The following ANXA4 variants were observed in gnomAD, a reference collection of about 807,000 sequenced individuals.
The protein encoded by ANXA4 is 35-beta calcimedin.
ANXA4 carries 39 observed loss-of-function variants against 49.8 expected under a neutral mutation model. The ratio of observed to expected loss-of-function variants is 0.78; its 90% confidence interval spans 0.61 to 1.02. ANXA4 has a LOEUF of 1.02. Among genes scored for constraint, ANXA4 ranks in the 50% least tolerant of loss-of-function variants. ANXA4 has a pLI of 0.00. For synonymous variants in ANXA4, 134 were observed against 152.5 expected (o/e 0.88, Z 0.89); for missense variants, 360 against 410.1 (o/e 0.88, Z 1.05).
intron 8 of ANXA4, chr2:69,814,785 TGTGTGTGTGAGA>T (rs748945133): frequency 0.027 from 3,121 of 114,392 alleles, 129 homozygotes; most frequent in African/African-American, 0.14. Flanking sequence ...TGTGTGTGTG[TGTGTGTGTGAGA>T]GAAAGAGAGA....
intron 3 of ANXA4, among the ~76,000 whole-genome samples, chr2:69,728,606 G>A (rs1157788384): frequency 6.6e-6 from 1 of 152,138 alleles, no homozygotes; most frequent in South Asian, 2.1e-4. Context: ...AACTGATCTA[G>A]CATCATTTAT....
intron 2 of ANXA4, among the ~76,000 whole-genome samples, chr2:69,670,573 G>A (rs1355278521): frequency 6.6e-6 from 1 of 152,052 alleles, no homozygotes; most frequent in Admixed American, 6.6e-5. Context: ...ATGGGCACAG[G>A]GATAGACAAC....
Position 69,683,570 on chromosome 2 carries a change from G to T in ANXA4, n.766+30288G>T, listed in dbSNP as rs192856864. ...GAGAAACCAAAGAGGAACGATATGC[G>T]CTGTCTTCTTCTTCCTCCTCCTCCT... On this transcript the variant is annotated intron_variant and non_coding_transcript_variant, in intron 2 of 3. Coordinates refer to the ANXA4 transcript ENST00000418066. 2.0e-5 allele frequency among the ~76,000 whole-genome samples: 3 copies of T among 152,184 alleles called. No homozygotes were observed. In the East Asian group the frequency reaches 5.8e-4, roughly 29 times the overall value.
At chr2:69,733,623 A>AAG (rs949956624) in intron 3 of ANXA4, among the ~76,000 whole-genome samples, 12 of 152,022 alleles carry the variant, frequency 7.9e-5, no homozygotes, top group African/African-American at 2.7e-4. Context: ...GAAAAAAAAA[A>AAG]AAAAGAAAAG....
intron 1 of ANXA4, among the ~76,000 whole-genome samples, chr2:69,762,912 C>T (rs1375590664): frequency 1.3e-5 from 2 of 152,132 alleles, no homozygotes; most frequent in African/African-American, 4.8e-5. Flanking sequence ...TACTCTTCAT[C>T]CAGCTCCATC....
At chr2:69,759,154 T>G (rs1671175776) in intron 1 of ANXA4, among the ~76,000 whole-genome samples, 1 of 150,594 alleles carries the variant, frequency 6.6e-6, no homozygotes, top group Non-Finnish European at 1.5e-5. Context: ...AAAAAGATTA[T>G]AATTCTGAGA....
chr2:69,653,108 A>G (rs745830274), exon 2 of ANXA4: 1 of 152,228 alleles, frequency 6.6e-6, no homozygotes, highest in Non-Finnish European at 1.5e-5. Context: ...CACAGGAGCC[A>G]AATCTGGAAC....
chr2:69,736,542 A>G (rs1002119968), intron 3 of ANXA4, among the ~76,000 whole-genome samples: 3 of 152,208 alleles, frequency 2.0e-5, no homozygotes, highest in Non-Finnish European at 4.4e-5. Context: ...AGTATTAACT[A>G]ATTACCCTTC....
At chr2:69,753,061 C>T (rs7563401) in intron 1 of ANXA4, among the ~76,000 whole-genome samples, 76,591 of 152,064 alleles carry the variant, frequency 0.5, 19,676 homozygotes, top group East Asian at 0.71. Context: ...TCCATCTTCC[C>T]CTACCCTGCA....
intron 3 of ANXA4, among the ~76,000 whole-genome samples, chr2:69,793,250 C>CAAA (rs70954360): frequency 3.9e-5 from 5 of 128,580 alleles, no homozygotes; most frequent in Non-Finnish European, 6.5e-5. Flanking sequence ...GACTCCATCT[C>CAAA]AAAAAAAAAA....
At chr2:69,798,819 C>T (rs993811877) in intron 3 of ANXA4, among the ~76,000 whole-genome samples, 2 of 152,216 alleles carry the variant, frequency 1.3e-5, no homozygotes, top group South Asian at 2.1e-4. Flanking sequence ...AAATCCCAGA[C>T]GAGCCCTCAA....
At chr2:69,781,342 AAC>A (rs926000947) in intron 1 of ANXA4, 176 bp from the exon 2 acceptor site, 11 of 601,642 alleles carry the variant, frequency 1.8e-5, no homozygotes, top group Middle Eastern at 4.4e-4. Context: ...GACTTTTTTT[AAC>A]AGTTTCTCTA....
At chr2:69,697,259 G>A (rs1373701383) in intron 2 of ANXA4, among the ~76,000 whole-genome samples, 2 of 152,190 alleles carry the variant, frequency 1.3e-5, no homozygotes. Flanking sequence ...ATGTTATAGA[G>A]ATGGCTTCTT....
chr2:69,691,452 A>T (rs1056965381), intron 2 of ANXA4, among the ~76,000 whole-genome samples: 7 of 152,024 alleles, frequency 4.6e-5, no homozygotes, highest in Admixed American at 4.6e-4. Flanking sequence ...GGATGCACCT[A>T]CCACAGTATA....
At chr2:69,776,674 G>T (rs1671973483) in intron 1 of ANXA4, among the ~76,000 whole-genome samples, 1 of 152,092 alleles carries the variant, frequency 6.6e-6, no homozygotes, top group Non-Finnish European at 1.5e-5. Context: ...GCTTCCCTGG[G>T]CCACATTGGA....
At chr2:69,796,614 C>T (rs768326767) in intron 3 of ANXA4, among the ~76,000 whole-genome samples, 2 of 152,132 alleles carry the variant, frequency 1.3e-5, no homozygotes, top group African/African-American at 4.8e-5. Context: ...TTTCTACAGT[C>T]CTGTAATGAG....
At chr2:69,742,927 C>T (rs563082054) in intron 1 of ANXA4, among the ~76,000 whole-genome samples, 20 of 152,308 alleles carry the variant, frequency 1.3e-4, no homozygotes, top group Non-Finnish European at 2.4e-4. Context: ...GATAAGGTGT[C>T]CCTCTCCAAG....
intron 1 of ANXA4, among the ~76,000 whole-genome samples, chr2:69,650,783 A>C (rs1237598727): frequency 6.6e-6 from 1 of 152,184 alleles, no homozygotes; most frequent in Non-Finnish European, 1.5e-5. Context: ...AAGGCATTAA[A>C]TCCTAAGTAT....
intron 1 of ANXA4, 109 bp from the exon 2 acceptor site, chr2:69,781,411 G>T: frequency 2.4e-6 from 2 of 828,854 alleles, no homozygotes; most frequent in East Asian, 5.3e-5. Flanking sequence ...GATTAAGTTG[G>T]GTGTCATTTC....
Sources: gnomAD v4.1 joint callset for allele counts (sites outside exome capture counted in the v4.1 genomes callset) on GRCh38, gnomAD v4.1.1 for gene constraint, MANE v1.5 for transcripts, NCBI Gene and HGNC (gene_info 2026-07-23, HGNC 2026-07-21) for gene names.